Variants in DEUP1 observed in about 807,000 individuals in gnomAD.
DEUP1 encodes deuterosome assembly protein 1, also known as coiled-coil domain containing 67.
In DEUP1, 82 loss-of-function variants were observed where a neutral mutation model predicts 87.4. The observed-to-expected ratio is 0.94, with a 90% confidence interval of 0.78 to 1.13. The LOEUF (loss-of-function observed/expected upper bound fraction) is 1.13, where lower values mean the gene tolerates loss of function less well. DEUP1 is among the 50% of genes most tolerant of loss of function. DEUP1 has a pLI of 0.00. For missense variants in DEUP1, 663 were observed against 681.5 expected, an observed-to-expected ratio of 0.97 and a Z score of 0.30; for synonymous variants, 214 against 222.7, an observed-to-expected ratio of 0.96 and a Z score of 0.35.
intron 13 of DEUP1, among the ~76,000 whole-genome samples, chr11:93,434,793 G>C (rs920794600): frequency 1.1e-4 from 17 of 152,274 alleles, no homozygotes; most frequent in African/African-American, 3.9e-4. Context: ...TTTGTTCCCA[G>C]ATCCATGTAT....
intron 2 of DEUP1, among the ~76,000 whole-genome samples, chr11:93,348,532 G>A (rs1485684178): frequency 6.6e-6 from 1 of 152,146 alleles, no homozygotes; most frequent in East Asian, 1.9e-4. Context: ...GGCATGTTGT[G>A]TCTTTGTTCT....
intron 11 of DEUP1, among the ~76,000 whole-genome samples, chr11:93,400,917 T>G (rs1285156153): frequency 3.9e-5 from 6 of 152,092 alleles, no homozygotes; most frequent in African/African-American, 1.4e-4. Flanking sequence ...ACCACTTTTA[T>G]TCAACATAAT....
At chr11:93,420,362 C>T (rs1402226352) in intron 13 of DEUP1, among the ~76,000 whole-genome samples, 1 of 152,210 alleles carries the variant, frequency 6.6e-6, no homozygotes, top group Non-Finnish European at 1.5e-5. Flanking sequence ...CAAAATTCAA[C>T]AATGCTTCAT....
chr11:93,352,195 C>T (rs1455720683), intron 2 of DEUP1: 1 of 558,240 alleles, frequency 1.8e-6, no homozygotes, highest in African/African-American at 1.9e-5. Flanking sequence ...GCCTCTCCCT[C>T]CTGTCCTCCT....
At chr11:93,340,906 G>T (rs1459163380) in intron 2 of DEUP1, among the ~76,000 whole-genome samples, 1 of 152,208 alleles carries the variant, frequency 6.6e-6, no homozygotes, top group East Asian at 1.9e-4. Context: ...TCCAAGTGAA[G>T]CTGCCTGTAT....
intron 6 of DEUP1, 147 bp from the exon 7 acceptor site, chr11:93,370,891 T>C: frequency 1.4e-6 from 1 of 705,530 alleles, no homozygotes; most frequent in South Asian, 2.1e-5. Context: ...AAAACAAATA[T>C]AAGACTGAAT....
At position 93,371,292 on chromosome 11, in the gene DEUP1, T is replaced by A; in HGVS notation, c.789+12T>A. On this transcript the variant is annotated intron_variant, in intron 7 of 13. Coordinates refer to ENST00000298050, the MANE Select transcript of DEUP1 (RefSeq NM_181645.4). ...AAAGACAGTGCCAGGTGAAGATTAATTTTTTTTCAACTAATATTGTCCATG... is the reference window on the plus strand; with the variant it reads ...AAAGACAGTGCCAGGTGAAGATTAAATTTTTTTCAACTAATATTGTCCATG... 6.2e-7 allele frequency: 1 copy of A among 1,600,774 alleles called. No homozygotes were observed. Among genetic ancestry groups the A allele is most frequent in the Non-Finnish European group, 8.5e-7 (1 of 1,173,480 alleles).
chr11:93,417,397 G>C (rs1171413195), intron 13 of DEUP1, among the ~76,000 whole-genome samples: 12 of 150,658 alleles, frequency 8.0e-5, no homozygotes, highest in Non-Finnish European at 3.0e-5. Flanking sequence ...CAGACAAACA[G>C]AGAGCCAAAT....
chr11:93,366,365 T>C (rs531698041), intron 5 of DEUP1, among the ~76,000 whole-genome samples: 1 of 152,280 alleles, frequency 6.6e-6, no homozygotes, highest in South Asian at 2.1e-4. Context: ...AGAGGGCTTT[T>C]TAAAACATCT....
At chr11:93,345,232 C>A (rs369721998) in intron 2 of DEUP1, among the ~76,000 whole-genome samples, 32 of 152,268 alleles carry the variant, frequency 2.1e-4, no homozygotes, top group East Asian at 9.6e-4. Context: ...TATATATGAA[C>A]CACATTTTCT....
intron 2 of DEUP1, among the ~76,000 whole-genome samples, chr11:93,347,359 G>C (rs955935248): frequency 2.6e-5 from 4 of 152,174 alleles, no homozygotes; most frequent in Non-Finnish European, 5.9e-5. Flanking sequence ...GCATCCCAGG[G>C]ACAAAGCCTA....
chr11:93,364,322 T>C (rs1162166587), intron 5 of DEUP1, 28 bp downstream of exon 5: 1 of 1,589,116 alleles, frequency 6.3e-7, no homozygotes, highest in Non-Finnish European at 8.6e-7. Flanking sequence ...AGTTTCTTCA[T>C]GTGTATTAAA....
intron 2 of DEUP1, among the ~76,000 whole-genome samples, chr11:93,345,600 C>G (rs190840142): frequency 1.3e-5 from 2 of 152,316 alleles, no homozygotes; most frequent in East Asian, 3.9e-4. Context: ...TGACATTTCT[C>G]TAACAATCAG....
chr11:93,342,641 A>G (rs140252079), intron 2 of DEUP1, among the ~76,000 whole-genome samples: 76 of 152,294 alleles, frequency 5.0e-4, no homozygotes, highest in African/African-American at 1.7e-3. Flanking sequence ...GCAGACTGGG[A>G]AATGTGGTTG....
chr11:93,400,620 C>T (rs2134388363), intron 11 of DEUP1, among the ~76,000 whole-genome samples: 1 of 152,126 alleles, frequency 6.6e-6, no homozygotes, highest in South Asian at 2.1e-4. Flanking sequence ...TTCAACATGT[C>T]TTTTTGGGAG....
intron 11 of DEUP1, 92 bp downstream of exon 11, chr11:93,396,417 G>A (rs545884064): frequency 2.7e-6 from 2 of 754,320 alleles, no homozygotes; most frequent in South Asian, 4.1e-5. Context: ...CACTTGCTGT[G>A]TGTTAGACAT....
At position 93,364,204 on chromosome 11, in the gene DEUP1, G is replaced by C; in HGVS notation, c.342G>C (p.Gln114His). ...TNNFEKLRLH[Q>H]MKQNKVPRKE... ...ACTTTGAAAAACTGAGATTACATCAGATGAAACAAAACAAAGTTCCACGAA... is the reference window on the plus strand; with the variant it reads ...ACTTTGAAAAACTGAGATTACATCACATGAAACAAAACAAAGTTCCACGAA... Residue 114 changes from glutamine to histidine, a missense_variant, in exon 5 of 14, where the codon CAG (glutamine) becomes CAC (histidine). Gln to His is a conservative substitution (Grantham distance 24, BLOSUM62 0). Transcript: ENST00000298050. 1.9e-6 allele frequency: 3 copies of C among 1,604,624 alleles called. No individual in the cohort carries two copies. The highest frequency in any genetic ancestry group is 2.6e-6 in the Non-Finnish European group (3 of 1,172,454).
At chr11:93,384,504 A>G (rs1438292120) in intron 7 of DEUP1, among the ~76,000 whole-genome samples, 7 of 151,780 alleles carry the variant, frequency 4.6e-5, no homozygotes, top group Admixed American at 2.0e-4. Flanking sequence ...TTTTACCTCT[A>G]CTCTCTTCTA....
intron 8 of DEUP1, among the ~76,000 whole-genome samples, chr11:93,386,453 T>C (rs190705175): frequency 1.2e-4 from 19 of 152,330 alleles, no homozygotes; most frequent in Non-Finnish European, 2.6e-4. Context: ...AACTTGAATC[T>C]TTCTCAAAAT....
Sources: allele counts gnomAD v4.1 joint callset (sites outside exome capture counted in the v4.1 genomes callset), GRCh38; gene constraint gnomAD v4.1.1; transcripts MANE v1.5; gene names NCBI Gene and HGNC (gene_info 2026-07-23, HGNC 2026-07-21).